Variants in EDIL3 observed in about 807,000 individuals in gnomAD.
The protein encoded by EDIL3 is EGF-like repeat and discoidin I-like domain-containing protein 3.
In EDIL3, 37 loss-of-function variants were observed where a neutral mutation model predicts 67.4. The observed-to-expected ratio is 0.55, with a 90% CI of 0.42 to 0.72. The LOEUF (loss-of-function observed/expected upper bound fraction) is 0.72, where lower values mean the gene tolerates loss of function less well. EDIL3 is among the 30% of genes least tolerant of loss of function. The pLI is 0.00. For missense variants in EDIL3, 527 were observed against 586.3 expected (o/e 0.90, Z 1.04); for synonymous variants, 195 against 196.3 (o/e 0.99, Z 0.05).
intron 9 of EDIL3, among the ~76,000 whole-genome samples, chr5:84,006,187 A>G (rs2112174856): frequency 6.6e-6 from 1 of 151,950 alleles, no homozygotes; most frequent in East Asian, 1.9e-4. Flanking sequence ...GAAGTCAGAC[A>G]TTGTCACAAA....
At chr5:83,952,382 A>AT (rs1420948916) in intron 10 of EDIL3, among the ~76,000 whole-genome samples, 1 of 151,920 alleles carries the variant, frequency 6.6e-6, no homozygotes, top group Admixed American at 6.6e-5. Flanking sequence ...GCCTATAAAG[A>AT]TTTATGAAAC....
At chr5:84,232,400 T>G (rs1199122875) in intron 2 of EDIL3, among the ~76,000 whole-genome samples, 1 of 59,550 alleles carries the variant, frequency 1.7e-5, no homozygotes, top group Non-Finnish European at 3.4e-5. Context: ...AAGTGATGTC[T>G]AAGAAGGAAG....
chr5:84,039,639 C>G (rs1364600021), intron 9 of EDIL3, among the ~76,000 whole-genome samples: 1 of 151,954 alleles, frequency 6.6e-6, no homozygotes, highest in African/African-American at 2.4e-5. Context: ...GAAATGAAAG[C>G]AAATGAGATG....
chr5:84,215,292 C>G (rs1005395050), intron 3 of EDIL3, among the ~76,000 whole-genome samples: 1 of 151,826 alleles, frequency 6.6e-6, no homozygotes, highest in South Asian at 2.1e-4. Context: ...TTTGCTCTGT[C>G]GCCCAGGCTG....
chr5:83,961,818 A>T (rs1160391707), intron 10 of EDIL3, among the ~76,000 whole-genome samples: 1 of 151,432 alleles, frequency 6.6e-6, no homozygotes, highest in Non-Finnish European at 1.5e-5. Context: ...ATTTTACAAA[A>T]TATCTAATAT....
rs188886360 is a variant in EDIL3, at chr5:84,318,692, A to C, written c.68-64480T>G. Among the ~76,000 whole-genome samples, 283 of 152,286 alleles carry C rather than the reference A, an allele frequency of 1.9e-3. 2 individuals are homozygous for C. Among genetic ancestry groups the C allele is most frequent in the African/African-American group, 6.6e-3 (274 of 41,552 alleles). On this transcript the variant is annotated intron_variant, in intron 1 of 10. Coordinates refer to ENST00000296591, the MANE Select transcript of EDIL3 (RefSeq NM_005711.5). ...TAAAGATTTAAATGTAAGACCTAAA[A>C]CCATAAAAACCCTAGAAGAAAACCT...
At chr5:84,203,341 T>C (rs773803256) in intron 3 of EDIL3, among the ~76,000 whole-genome samples, 10 of 152,176 alleles carry the variant, frequency 6.6e-5, no homozygotes, top group Non-Finnish European at 1.0e-4. Flanking sequence ...TTAAGTATCA[T>C]TAGGAATACT....
intron 9 of EDIL3, among the ~76,000 whole-genome samples, chr5:84,010,682 A>G (rs1209809634): frequency 2.0e-5 from 3 of 152,262 alleles, no homozygotes; most frequent in Non-Finnish European, 4.4e-5. Context: ...ATCCTTTTTC[A>G]TATACACAAT....
At chr5:84,198,973 T>C (rs2112376001) in intron 3 of EDIL3, among the ~76,000 whole-genome samples, 1 of 152,234 alleles carries the variant, frequency 6.6e-6, no homozygotes, top group Non-Finnish European at 1.5e-5. Context: ...GACCTCCGTG[T>C]AAAGAACAAA....
At chr5:84,030,487 T>C (rs989604744) in intron 9 of EDIL3, among the ~76,000 whole-genome samples, 2 of 130,056 alleles carry the variant, frequency 1.5e-5, no homozygotes, top group Non-Finnish European at 3.1e-5. Context: ...TTTTCCAAGA[T>C]ACAGTTGGGA....
intron 9 of EDIL3, among the ~76,000 whole-genome samples, chr5:84,053,026 C>T (rs1221410959): frequency 6.6e-6 from 1 of 152,240 alleles, no homozygotes; most frequent in African/African-American, 2.4e-5. Context: ...CACCACACCA[C>T]ACCTACTCCA....
chr5:84,006,525 T>C (rs1221267800), intron 9 of EDIL3, among the ~76,000 whole-genome samples: 1 of 151,872 alleles, frequency 6.6e-6, no homozygotes, highest in East Asian at 1.9e-4. Context: ...AAACATTGAG[T>C]ACACATGGAC....
At chr5:84,366,491 G>C (rs1352170587) in intron 1 of EDIL3, among the ~76,000 whole-genome samples, 2 of 152,020 alleles carry the variant, frequency 1.3e-5, no homozygotes, top group Admixed American at 6.6e-5. Context: ...TTACTTCATA[G>C]TTACCATTCT....
intron 1 of EDIL3, among the ~76,000 whole-genome samples, chr5:84,268,247 G>A (rs1288689199): frequency 6.6e-6 from 1 of 152,094 alleles, no homozygotes; most frequent in Non-Finnish European, 1.5e-5. Context: ...AAATAGAGCT[G>A]TTAGCAGAAT....
intron 1 of EDIL3, among the ~76,000 whole-genome samples, chr5:84,364,893 T>C (rs1056999620): frequency 6.6e-6 from 1 of 152,008 alleles, no homozygotes; most frequent in Non-Finnish European, 1.5e-5. Context: ...ATTAATCTCA[T>C]ATATATTTTT....
chr5:84,051,357 G>C (rs1746334071), intron 9 of EDIL3, among the ~76,000 whole-genome samples: 1 of 152,130 alleles, frequency 6.6e-6, no homozygotes, highest in African/African-American at 2.4e-5. Flanking sequence ...CAAAGATGGG[G>C]AAAAAACAGA....
chr5:84,263,674 G>A (rs1461516180), intron 1 of EDIL3, among the ~76,000 whole-genome samples: 2 of 152,176 alleles, frequency 1.3e-5, no homozygotes, highest in Non-Finnish European at 2.9e-5. Context: ...GCCATAGAAA[G>A]TGCTCAATAA....
In EDIL3 at chr5:83,985,170, C is replaced by T. The variant is rs1423580095; in HGVS notation, c.1138-21810G>A. On this transcript the variant is annotated intron_variant, in intron 9 of 10. Transcript: ENST00000296591. Reference sequence around the variant, plus strand: ...GATTCTTTTTCATGCTAATCGTATGCTATATTTCCTTGCAAATTGATTACA... The same window carrying T: ...GATTCTTTTTCATGCTAATCGTATGTTATATTTCCTTGCAAATTGATTACA... 3.3e-5 allele frequency among the ~76,000 whole-genome samples: 5 copies of T among 151,042 alleles called. No homozygotes were observed. In the East Asian group the frequency reaches 9.9e-4, roughly 30 times the overall value.
chr5:84,252,492 T>TAAAAA (rs1745042063), intron 2 of EDIL3, among the ~76,000 whole-genome samples: 1 of 5,966 alleles, frequency 1.7e-4, no homozygotes, highest in Non-Finnish European at 2.7e-4. Flanking sequence ...AGACTCCGTC[T>TAAAAA]CAAAAAAAAA....
Sources: allele counts gnomAD v4.1 joint callset (sites outside exome capture counted in the v4.1 genomes callset), GRCh38; gene constraint gnomAD v4.1.1; transcripts MANE v1.5; gene names NCBI Gene and HGNC (gene_info 2026-07-23, HGNC 2026-07-21).